Variants in PIEZO2 observed in about 807,000 individuals in gnomAD.
The protein encoded by PIEZO2 is piezo type mechanosensitive ion channel component 2, also known as piezo-type mechanosensitive ion channel component 2.
A neutral mutation model predicts 337.3 loss-of-function variants in PIEZO2; 172 were observed. That is an observed-to-expected ratio of 0.51 (90% CI 0.45 to 0.58). The LOEUF is 0.58. Ranked by LOEUF, PIEZO2 falls within the 20% of genes least tolerant of loss-of-function variation. The pLI is 0.00. For missense variants in PIEZO2, 3,028 were observed against 3,391.3 expected, an observed-to-expected ratio of 0.89 and a Z score of 2.66; for synonymous variants, 1,251 against 1,228.5, an observed-to-expected ratio of 1.02 and a Z score of -0.38.
chr18:10,789,501 T>G, intron 14 of PIEZO2, 136 bp from the exon 15 acceptor site: 1 of 1,020,050 alleles, frequency 9.8e-7, no homozygotes. Context: ...TAGACTATTC[T>G]CATAAACTCA....
At chr18:11,085,440 A>G (rs73400531) in intron 1 of PIEZO2, among the ~76,000 whole-genome samples, 3,409 of 152,186 alleles carry the variant, frequency 0.022, 141 homozygotes, top group African/African-American at 0.078. Flanking sequence ...ATTTCCTGGA[A>G]TATTTCTCCT....
rs1047266912 is a variant in PIEZO2 at position 11,016,327 on chromosome 18, C to A, written c.161-36667G>T. Reference sequence around the variant, plus strand: ...CACAGAATGTGGCGGTAGAGACGGTCAGAGCGAAAAAACAGGCACAGAGCA... The same window carrying A: ...CACAGAATGTGGCGGTAGAGACGGTAAGAGCGAAAAAACAGGCACAGAGCA... On this transcript the variant is annotated intron_variant, in intron 2 of 55. Coordinates refer to ENST00000674853, the MANE Select transcript of PIEZO2 (RefSeq NM_001378183.1). This position sits in a 1 kb window ranked among gnomAD's most constrained non-coding sequence, Gnocchi z 5.6. Among the ~76,000 whole-genome samples the A allele has an allele frequency of 6.6e-6, 1 of 152,046 alleles. No individual in the cohort carries two copies. Among genetic ancestry groups the A allele is most frequent in the African/African-American group, 2.4e-5 (1 of 41,378 alleles).
chr18:10,782,695 G>A (rs1437898293), intron 17 of PIEZO2, among the ~76,000 whole-genome samples: 1 of 151,096 alleles, frequency 6.6e-6, no homozygotes, highest in African/African-American at 2.4e-5. Context: ...AGGCAAGTCA[G>A]GACTCATATC....
intron 7 of PIEZO2, among the ~76,000 whole-genome samples, chr18:10,812,718 C>G (rs1046632462): frequency 6.6e-6 from 1 of 152,090 alleles, no homozygotes; most frequent in African/African-American, 2.4e-5. Context: ...TACTTGCACG[C>G]TTTTCTCTCT....
chr18:10,714,915 G>C lies in PIEZO2; in HGVS notation c.5272C>G (p.Arg1758Gly). Residue 1758 changes from arginine (R) to glycine (G), a missense_variant, in exon 39 of 56, where the codon CGG becomes GGG. Physicochemically the swap from Arg to Gly is moderately radical, Grantham distance 125. Around this residue, in one of 5 missense-constraint regions of PIEZO2, gnomAD observed 1,925 missense variants for 2,051.9 expected, o/e 0.94. Coordinates refer to ENST00000674853, the MANE Select transcript of PIEZO2 (RefSeq NM_001378183.1). ...REIKKGNVPT[R>G]ESIHMYYQNH... ...TGATAGTACATGTGGATGCTCTCCC[G>C]AGTTGGAACATTGCCCTGAGGAGAA... 2.6e-6 allele frequency: 4 copies of C among 1,537,056 alleles called. No individual in the cohort carries two copies. The highest frequency in any genetic ancestry group is 3.5e-6 in the Non-Finnish European group (4 of 1,146,806).
intron 2 of PIEZO2, among the ~76,000 whole-genome samples, chr18:10,987,513 A>C (rs2034922528): frequency 6.6e-6 from 1 of 151,878 alleles, no homozygotes; most frequent in Non-Finnish European, 1.5e-5. Context: ...CCATGTACAA[A>C]ATAATAAAAT....
chr18:10,816,234 C>A (rs1257119580), intron 7 of PIEZO2, among the ~76,000 whole-genome samples: 2 of 152,190 alleles, frequency 1.3e-5, no homozygotes, highest in African/African-American at 4.8e-5. Context: ...AACCTAATAT[C>A]TGTAATTCTC....
At chr18:11,108,968 A>G (rs907672666) in intron 1 of PIEZO2, among the ~76,000 whole-genome samples, 1 of 152,228 alleles carries the variant, frequency 6.6e-6, no homozygotes, top group Non-Finnish European at 1.5e-5. Flanking sequence ...GAACAAAGTT[A>G]TCTTTCCTTG....
chr18:10,717,917 G>A (rs2036080747), intron 37 of PIEZO2, among the ~76,000 whole-genome samples: 1 of 152,114 alleles, frequency 6.6e-6, no homozygotes, highest in African/African-American at 2.4e-5. Context: ...GGGACATTAA[G>A]AATTTGCTCC....
At position 10,672,885 on chromosome 18, in the gene PIEZO2, G is replaced by A. The variant is rs376676199; in HGVS notation, c.8162-12C>T. On this transcript the variant is annotated splice_polypyrimidine_tract_variant and intron_variant, in intron 54 of 55. Coordinates refer to ENST00000674853, the MANE Select transcript of PIEZO2 (RefSeq NM_001378183.1). The surrounding 1 kb of genome is among the most constrained non-coding windows in gnomAD (Gnocchi z 4.7). ...CATGAAATTATTTTCTAGAAGGGTA[G>A]AAATGCAAAATTAAGTTGACATGAG... 2 of 1,581,356 alleles carry A rather than the reference G, an allele frequency of 1.3e-6. No individual in the cohort carries two copies. Among genetic ancestry groups the A allele is most frequent in the African/African-American group, 2.7e-5 (2 of 73,414 alleles).
In PIEZO2 at chr18:10,783,122, A is replaced by T. The variant is rs2039090992; in HGVS notation, c.2492+1662T>A. 6.6e-6 allele frequency among the ~76,000 whole-genome samples: 1 copy of T among 152,212 alleles called. No individual in the cohort carries two copies. The highest frequency in any genetic ancestry group is 2.1e-4 in the South Asian group (1 of 4,830). ...AAAAAAAATGAATATGCAAGAGAAG[A>T]AATGGCATTTGGAAGAAAAAAAAGA... On this transcript the variant is annotated intron_variant, in intron 17 of 55. Coordinates refer to ENST00000674853, the MANE Select transcript of PIEZO2 (RefSeq NM_001378183.1). This position sits in a 1 kb window ranked among gnomAD's most constrained non-coding sequence, Gnocchi z 4.3.
At chr18:10,684,466 GT>G (rs58939994) in intron 49 of PIEZO2, among the ~76,000 whole-genome samples, 15 of 135,872 alleles carry the variant, frequency 1.1e-4, no homozygotes, top group African/African-American at 4.2e-4. Context: ...CGCCCGGCCT[GT>G]TTTTTTTTTT....
chr18:10,708,901 CTTTT>C (rs56699495), intron 39 of PIEZO2, among the ~76,000 whole-genome samples: 2 of 152,004 alleles, frequency 1.3e-5, no homozygotes, highest in African/African-American at 4.8e-5. Context: ...ATATTTCAAT[CTTTT>C]TTTTCTTTTT....
chr18:10,756,286 G>C (rs1023639931), intron 27 of PIEZO2, among the ~76,000 whole-genome samples: 2 of 151,752 alleles, frequency 1.3e-5, no homozygotes, highest in Non-Finnish European at 2.9e-5. Flanking sequence ...GAAGAGGAGG[G>C]ATGCAGGATG....
chr18:10,750,091 G>C lies in PIEZO2; in HGVS notation c.4264C>G (p.Pro1422Ala). The change falls in exon 29 of 56, where the codon CCT (proline) becomes GCT (alanine). Residue 1422 changes from proline (P) to alanine (A), a missense_variant and splice_region_variant. Pro to Ala is a conservative substitution (Grantham distance 27). Transcript: ENST00000674853. This position sits in a 1 kb window ranked among gnomAD's most constrained non-coding sequence, Gnocchi z 4.1. ...LACTVKGYQM[P>A]AANSPCTLPS... ...CTTCACACTTGCTTTTCATACTTAC[G>C]CATTTGATAGCCTTTGACTGTGCAG... 2 of 1,533,600 alleles carry C rather than the reference G, an allele frequency of 1.3e-6. No homozygotes were observed. The highest frequency in any genetic ancestry group is 1.7e-6 in the Non-Finnish European group (2 of 1,143,748). 95.0% of individuals were successfully genotyped at this position (1,533,600 alleles called of 1,614,324 possible). A position where few individuals can be genotyped will look rare whatever the true frequency, so the allele number is the denominator to read the frequency against.
At position 11,148,762 on chromosome 18, in the gene PIEZO2, CTCTT is replaced by C; in HGVS notation, c.-178_-175del. 3.3e-6 allele frequency: 2 copies of C among 607,974 alleles called. No homozygotes were observed. Among genetic ancestry groups the C allele is most frequent in the Non-Finnish European group, 5.4e-6 (2 of 368,312 alleles). 37.7% of individuals were successfully genotyped at this position (607,974 alleles called of 1,614,324 possible). A position where few individuals can be genotyped will look rare whatever the true frequency, so the allele number is the denominator to read the frequency against. ...CCGCCCCGAGGGCACGCTCCCGGGG[CTCTT>C]GGCCGCCCCTCGCCCACCGGGCTCT... On this transcript the variant is annotated 5_prime_UTR_variant, in exon 1 of 56. Transcript: ENST00000674853. The surrounding 1 kb of genome is among the most constrained non-coding windows in gnomAD (Gnocchi z 5.2).
chr18:10,986,082 A>T (rs922117834), intron 2 of PIEZO2, among the ~76,000 whole-genome samples: 1 of 152,022 alleles, frequency 6.6e-6, no homozygotes, highest in Non-Finnish European at 1.5e-5. Context: ...CAGACAAAAT[A>T]CACTTTAAGT....
intron 15 of PIEZO2, among the ~76,000 whole-genome samples, chr18:10,788,570 C>T (rs2039310319): frequency 6.6e-6 from 1 of 151,882 alleles, no homozygotes; most frequent in Non-Finnish European, 1.5e-5. Flanking sequence ...TTTCAACAAC[C>T]TAAAATTTTT....
At chr18:10,917,292 C>T (rs2031054739) in intron 3 of PIEZO2, among the ~76,000 whole-genome samples, 1 of 152,108 alleles carries the variant, frequency 6.6e-6, no homozygotes, top group African/African-American at 2.4e-5. Context: ...TGCCTCTGGT[C>T]ATCTTTATTT....
Sources: gnomAD v4.1 joint callset for allele counts (sites outside exome capture counted in the v4.1 genomes callset) on GRCh38, gnomAD v4.1.1 for gene constraint, gnomAD v4.1.1 regional missense constraint, Gnocchi (gnomAD v3.1) non-coding constraint, MANE v1.5 for transcripts, NCBI Gene and HGNC (gene_info 2026-07-23, HGNC 2026-07-21) for gene names.